TATDN2: variants seen among roughly 807,000 people sequenced by gnomAD.
TATDN2 encodes the protein TatD DNase domain containing 2.
Under a neutral mutation model 60.3 loss-of-function variants are expected in TATDN2, and 44 were observed. The ratio of observed to expected loss-of-function variants is 0.73; its 90% CI spans 0.57 to 0.94. The LOEUF (loss-of-function observed/expected upper bound fraction) is 0.94. Ranked by LOEUF, TATDN2 falls within the 40% of genes least tolerant of loss-of-function variation. TATDN2 has a pLI of 0.00. For synonymous variants in TATDN2, 399 were observed against 355.8 expected (o/e 1.12, Z -1.37); for missense variants, 997 against 948.0 (o/e 1.05, Z -0.68).
intron 4 of TATDN2, 96 bp downstream of exon 4, chr3:10,271,111 A>T: frequency 6.9e-7 from 1 of 1,453,818 alleles, no homozygotes; most frequent in Non-Finnish European, 9.1e-7. Context: ...GAAGTAAATA[A>T]TTGAGAATCC....
intron 4 of TATDN2, among the ~76,000 whole-genome samples, chr3:10,272,941 A>T (rs537188922): frequency 6.8e-6 from 1 of 146,698 alleles, no homozygotes; most frequent in African/African-American, 2.6e-5. Context: ...CAGGAGGCTG[A>T]GGCAGGAGGA....
Position 10,270,255 on chromosome 3 carries a change from C to T in TATDN2, c.1073C>T (p.Pro358Leu), listed in dbSNP as rs2075352. Reference sequence around the variant, plus strand: ...GTCTCCCTGAAACCTTCAGCCGTTCCGGAGCCTTCTTCCTTCACCACCGAC... The same window carrying T: ...GTCTCCCTGAAACCTTCAGCCGTTCTGGAGCCTTCTTCCTTCACCACCGAC... ...EPVSLKPSAV[P>L]EPSSFTTDYV... Residue 358 changes from proline (P) to leucine (L), a missense_variant, in exon 4 of 8, where the codon CCG becomes CTG. Transcript: ENST00000448281. 180,529 of 1,613,958 alleles carry T rather than the reference C, an allele frequency of 0.11. 12,145 individuals are homozygous for T. The highest frequency in any genetic ancestry group is 0.28 in the East Asian group (12,474 of 44,856).
At chr3:10,256,152 T>C (rs982216422) in intron 2 of TATDN2, among the ~76,000 whole-genome samples, 3 of 152,164 alleles carry the variant, frequency 2.0e-5, no homozygotes, top group Non-Finnish European at 4.4e-5. Context: ...GCAGACGTTC[T>C]TGTGTGTTAT....
Position 10,249,177 on chromosome 3 carries a change from G to T in TATDN2, c.-6-18G>T, listed in dbSNP as rs1698179695. 1 of 1,486,924 alleles carries T rather than the reference G, an allele frequency of 6.7e-7. No homozygotes were observed. The highest frequency in any genetic ancestry group is 2.5e-5 in the East Asian group (1 of 40,738). 92.1% of individuals were successfully genotyped at this position (1,486,924 alleles called of 1,614,324 possible). ...CAGGAAGGGTGGTGTTGGAATCCAG[G>T]CCCCCTGTACCTTGCAGGTGCCCAT... On this transcript the variant is annotated intron_variant, in intron 1 of 7. Transcript: ENST00000448281.
At chr3:10,253,996 C>G (rs1467223044) in intron 2 of TATDN2, among the ~76,000 whole-genome samples, 1 of 152,208 alleles carries the variant, frequency 6.6e-6, no homozygotes, top group Non-Finnish European at 1.5e-5. Flanking sequence ...ACGAAGGTGC[C>G]AGGGTCCCTC....
At chr3:10,250,052 T>G (rs1203886321) in intron 2 of TATDN2, among the ~76,000 whole-genome samples, 2 of 152,180 alleles carry the variant, frequency 1.3e-5, no homozygotes, top group Non-Finnish European at 2.9e-5. Flanking sequence ...TAAAGAATTG[T>G]GTGCCCTTGT....
intron 2 of TATDN2, among the ~76,000 whole-genome samples, chr3:10,257,841 ATTTTTTTTTTTTTTTTT>A (rs553265148): frequency 6.9e-4 from 21 of 30,308 alleles, no homozygotes; most frequent in Admixed American, 5.5e-3. Context: ...AAGGTTTATG[ATTTTTTTTTTTTTTTTT>A]TTTTTTTTTT....
intron 3 of TATDN2, among the ~76,000 whole-genome samples, chr3:10,267,803 A>AT (rs1698499917): frequency 1.3e-5 from 2 of 152,348 alleles, no homozygotes; most frequent in East Asian, 3.9e-4. Flanking sequence ...ATGATGTGTT[A>AT]CTGTATATGA....
rs1255946616 is a variant in TATDN2 at position 10,279,376 on chromosome 3, G to A, written c.*194G>A. On this transcript the variant is annotated 3_prime_UTR_variant, in exon 8 of 8. Coordinates refer to ENST00000448281, the MANE Select transcript of TATDN2 (RefSeq NM_014760.4). ...TCAGCTTCTGGGTGGTGGGTGGGGTGGGGTGGGCATGGAATGAGGGGTATG... is the reference window on the plus strand; with the variant it reads ...TCAGCTTCTGGGTGGTGGGTGGGGTAGGGTGGGCATGGAATGAGGGGTATG... The A allele has an allele frequency of 4.5e-6, 1 of 221,444 alleles. No individual in the cohort carries two copies. The allele number at this position is 221,444 out of a possible 1,614,324, so 13.7% of individuals were successfully genotyped here. A position where few individuals can be genotyped will look rare whatever the true frequency, so the allele number is the denominator to read the frequency against.
At position 10,260,284 on chromosome 3, in the gene TATDN2, C is replaced by T; in HGVS notation, c.562C>T (p.Leu188=). ...LRDQGSTMIY[L]KAIQGILGKS... ...AGACCAGGGCTCCACAATGATCTAC[C>T]TGAAGGCTATCCAGGGCATCCTGGG... The change falls in exon 3 of 8, where the codon CTG becomes TTG. Residue 188 remains leucine, a synonymous_variant. Transcript: ENST00000448281. The T allele has an allele frequency of 6.2e-7, 1 of 1,614,180 alleles. No individual in the cohort carries two copies. The highest frequency in any genetic ancestry group is 8.5e-7 in the Non-Finnish European group (1 of 1,180,030).
chr3:10,276,213 T>TA (rs1698634620), intron 4 of TATDN2, 148 bp from the exon 5 acceptor site: 1 of 1,079,766 alleles, frequency 9.3e-7, no homozygotes. Flanking sequence ...GGCTCTATTG[T>TA]AAGTGACCAA....
intron 2 of TATDN2, among the ~76,000 whole-genome samples, chr3:10,252,876 A>G (rs543418854): frequency 1.2e-3 from 95 of 80,852 alleles, no homozygotes; most frequent in East Asian, 0.011. Context: ...TTTTTTTTTG[A>G]GACAGAATCT....
At chr3:10,275,636 C>T (rs371443734) in intron 4 of TATDN2, among the ~76,000 whole-genome samples, 14 of 152,116 alleles carry the variant, frequency 9.2e-5, no homozygotes, top group Admixed American at 2.0e-4. Flanking sequence ...ATACCAGCTA[C>T]GCGGGAGGCT....
rs754960377 is a variant in TATDN2 at position 10,249,242 on chromosome 3, C to G, written c.42C>G (p.Ser14Arg). The G allele has an allele frequency of 6.4e-7, 1 of 1,555,734 alleles. No homozygotes were observed. The highest frequency in any genetic ancestry group is 8.7e-7 in the Non-Finnish European group (1 of 1,149,116). The change falls in exon 2 of 8, where the codon AGC becomes AGG. Residue 14 changes from serine to arginine, a missense_variant. By Grantham distance (110) the Ser-to-Arg change is moderately radical (BLOSUM62 -1). Transcript: ENST00000448281. ...ERGKVKHNWS[S>R]TSEGCPRKRS... ...GCAAGGTCAAGCACAACTGGAGCAGCACGTCGGAAGGGTGTCCCCGCAAGC... is the reference window on the plus strand; with the variant it reads ...GCAAGGTCAAGCACAACTGGAGCAGGACGTCGGAAGGGTGTCCCCGCAAGC...
chr3:10,266,762 A>G (rs111317218), intron 3 of TATDN2, among the ~76,000 whole-genome samples: 15 of 152,298 alleles, frequency 9.8e-5, no homozygotes, highest in African/African-American at 3.4e-4. Context: ...AAAGAGTAAA[A>G]TAAGATGAAT....
intron 2 of TATDN2, among the ~76,000 whole-genome samples, chr3:10,251,588 G>T (rs1267486069): frequency 6.6e-6 from 1 of 151,992 alleles, no homozygotes; most frequent in Non-Finnish European, 1.5e-5. Context: ...GTTTCGCCTT[G>T]TTGGCCAGGC....
chr3:10,276,251 A>C (rs1471654020), intron 4 of TATDN2, 110 bp from the exon 5 acceptor site: 2 of 1,325,536 alleles, frequency 1.5e-6, no homozygotes, highest in Non-Finnish European at 2.1e-6. Context: ...TACATTATAT[A>C]GTTAAAAAAA....
At chr3:10,266,950 A>ATTTT (rs1174775981) in intron 3 of TATDN2, among the ~76,000 whole-genome samples, 2 of 68,048 alleles carry the variant, frequency 2.9e-5, no homozygotes, top group Non-Finnish European at 6.3e-5. Flanking sequence ...TTTTTTTTTG[A>ATTTT]GACAGAGTCT....
Position 10,260,247 on chromosome 3 carries a change from G to A in TATDN2, c.525G>A (p.Arg175=). ...CCAACAAGGTCCAGAAAAGGAAGAGGGATAGACTTCGAGACCAGGGCTCCA... is the reference window on the plus strand; with the variant it reads ...CCAACAAGGTCCAGAAAAGGAAGAGAGATAGACTTCGAGACCAGGGCTCCA... The part of the protein sequence containing the change: ...EEPNKVQKRK[R]DRLRDQGSTM... Residue 175 remains arginine (R), a synonymous_variant, in exon 3 of 8, where the codon AGG becomes AGA. Transcript: ENST00000448281. The A allele has an allele frequency of 6.2e-7, 1 of 1,614,162 alleles. No individual in the cohort carries two copies. Among genetic ancestry groups the A allele is most frequent in the South Asian group, 1.1e-5 (1 of 91,072 alleles).
Sources: allele counts gnomAD v4.1 joint callset (sites outside exome capture counted in the v4.1 genomes callset), GRCh38; gene constraint gnomAD v4.1.1; transcripts MANE v1.5; gene names NCBI Gene and HGNC (gene_info 2026-07-23, HGNC 2026-07-21).